The following DENND2A variants were observed in gnomAD, a reference collection of about 807,000 sequenced individuals.
The protein encoded by DENND2A is DENN domain-containing protein 2A.
A neutral mutation model predicts 105.3 loss-of-function variants in DENND2A; 53 were observed. That is an observed-to-expected ratio of 0.50 (90% confidence interval 0.40 to 0.63). The LOEUF is 0.63. Among genes scored for constraint, DENND2A ranks in the 30% least tolerant of loss-of-function variants. The pLI is 0.00. For missense variants in DENND2A, 1,138 were observed against 1,279.6 expected (o/e 0.89, Z 1.69); for synonymous variants, 522 against 508.4 (o/e 1.03, Z -0.36).
At chr7:140,639,802 G>A (rs1468946101) in intron 1 of DENND2A, among the ~76,000 whole-genome samples, 1 of 152,084 alleles carries the variant, frequency 6.6e-6, no homozygotes, top group Non-Finnish European at 1.5e-5. Flanking sequence ...TACGCCCCTG[G>A]AGAGCCCTGA....
intron 15 of DENND2A, among the ~76,000 whole-genome samples, chr7:140,526,406 C>T (rs947389657): frequency 6.6e-5 from 10 of 152,346 alleles, no homozygotes; most frequent in African/African-American, 2.4e-4. Context: ...GAGCGCGACC[C>T]TCACTCAGAC....
chr7:140,570,849 G>GACCAAAC (rs1199962161), intron 6 of DENND2A, among the ~76,000 whole-genome samples: 1 of 152,122 alleles, frequency 6.6e-6, no homozygotes, highest in Non-Finnish European at 1.5e-5. Flanking sequence ...TCATATTTCA[G>GACCAAAC]ACCAAAAAAG....
At chr7:140,521,492 G>A (rs570903634) in intron 18 of DENND2A, among the ~76,000 whole-genome samples, 2 of 151,178 alleles carry the variant, frequency 1.3e-5, no homozygotes, top group South Asian at 4.2e-4. Flanking sequence ...GTCCAGGCTG[G>A]TCTTGAACTC....
chr7:140,544,300 T>C (rs910206400), intron 14 of DENND2A: 5 of 453,952 alleles, frequency 1.1e-5, no homozygotes, highest in Admixed American at 3.4e-5. Context: ...GTTCAATCGA[T>C]TCCCGTGCCT....
rs570292397 is a variant in DENND2A, at chr7:140,559,613, C to T, written c.1889+95G>A. 672 of 866,618 alleles carry T rather than the reference C, an allele frequency of 7.8e-4. 5 individuals are homozygous for T. The African/African-American group carries it at 9.8e-3, about 13-fold the overall frequency. The allele number at this position is 866,618 out of a possible 1,614,324, so 53.7% of individuals were successfully genotyped here. A position where few individuals can be genotyped will look rare whatever the true frequency, so the allele number is the denominator to read the frequency against. On this transcript the variant is annotated intron_variant, in intron 10 of 19. Transcript: ENST00000496613. This position sits in a 1 kb window ranked among gnomAD's most constrained non-coding sequence, Gnocchi z 4.1. ...GGCCAGGCCCATCAGGATTACTTAA[C>T]GGTGGGAATGACTCATGTGGTCTGC...
chr7:140,634,738 G>C (rs1800857020), intron 1 of DENND2A, among the ~76,000 whole-genome samples: 2 of 152,024 alleles, frequency 1.3e-5, no homozygotes, highest in Non-Finnish European at 2.9e-5. Context: ...CAGGTGAGGT[G>C]GTGGGCGCCT....
intron 2 of DENND2A, among the ~76,000 whole-genome samples, chr7:140,604,748 C>G (rs558831046): frequency 6.6e-6 from 1 of 152,198 alleles, no homozygotes; most frequent in African/African-American, 2.4e-5. Context: ...AAATGAGGGA[C>G]TTGAGACTTG....
Position 140,555,663 on chromosome 7 carries a change from G to A in DENND2A, c.2010C>T (p.Arg670=). ...RLPEVYCIVS[R]LGCFSLFSRI... ...TTGAAAAGAGGCTGAAGCATCCCAG[G>A]CGGCTCACAATGCAGTAAACTTCAG... Residue 670 remains arginine, a synonymous_variant, in exon 12 of 20, where the codon CGC becomes CGT. Transcript: ENST00000496613. 6.2e-7 allele frequency: 1 copy of A among 1,609,660 alleles called. No homozygotes were observed. The highest frequency in any genetic ancestry group is 8.5e-7 in the Non-Finnish European group (1 of 1,178,780).
chr7:140,614,786 C>A (rs1800025371), intron 1 of DENND2A, among the ~76,000 whole-genome samples: 1 of 152,182 alleles, frequency 6.6e-6, no homozygotes, highest in Admixed American at 6.5e-5. Flanking sequence ...CAATGTAATA[C>A]AACTCTTGCT....
chr7:140,576,296 G>A (rs979928160), intron 5 of DENND2A, among the ~76,000 whole-genome samples: 2 of 151,698 alleles, frequency 1.3e-5, no homozygotes, highest in Non-Finnish European at 2.9e-5. Context: ...CTTTTCTTTT[G>A]TAATTCATTT....
chr7:140,573,587 T>G (rs181488902), intron 6 of DENND2A, among the ~76,000 whole-genome samples: 1 of 152,132 alleles, frequency 6.6e-6, no homozygotes, highest in East Asian at 1.9e-4. Flanking sequence ...CAGCTAAGAT[T>G]GGGAGAAGAG....
At chr7:140,524,474 C>A (rs1795973585) in intron 16 of DENND2A, among the ~76,000 whole-genome samples, 1 of 152,160 alleles carries the variant, frequency 6.6e-6, no homozygotes, top group Admixed American at 6.5e-5. Flanking sequence ...AGACAACAAG[C>A]GTTAATGTTT....
intron 14 of DENND2A, among the ~76,000 whole-genome samples, chr7:140,539,696 G>C (rs1796584363): frequency 6.6e-6 from 1 of 152,238 alleles, no homozygotes; most frequent in Non-Finnish European, 1.5e-5. Flanking sequence ...ACGCAGGTCA[G>C]ACCCTCAGAA....
chr7:140,520,123 G>C (rs1481095558), intron 18 of DENND2A, among the ~76,000 whole-genome samples: 1 of 151,982 alleles, frequency 6.6e-6, no homozygotes, highest in Non-Finnish European at 1.5e-5. Context: ...GGCTAACATG[G>C]TGAAACCCTC....
At chr7:140,617,507 T>TCA in intron 1 of DENND2A, among the ~76,000 whole-genome samples, 6 of 152,012 alleles carry the variant, frequency 3.9e-5, no homozygotes, top group Admixed American at 3.9e-4. Context: ...GGTGGATCAC[T>TCA]TGAGTTCGAG....
At chr7:140,604,026 G>A (rs1329470903) in intron 2 of DENND2A, among the ~76,000 whole-genome samples, 1 of 152,380 alleles carries the variant, frequency 6.6e-6, no homozygotes, top group South Asian at 2.1e-4. Context: ...GAGAGTATCT[G>A]TGTTGTCCAA....
chr7:140,534,100 T>TTTTTTTTTTTTTTTTTTTTTC (rs1796370723), intron 14 of DENND2A, among the ~76,000 whole-genome samples: 1 of 142,790 alleles, frequency 7.0e-6, no homozygotes, highest in African/African-American at 2.7e-5. Context: ...TTTTTTTTTT[T>TTTTTTTTTTTTTTTTTTTTTC]TTGAGATGGA....
At chr7:140,530,840 C>T (rs935332169) in intron 14 of DENND2A, among the ~76,000 whole-genome samples, 1 of 152,056 alleles carries the variant, frequency 6.6e-6, no homozygotes, top group African/African-American at 2.4e-5. Context: ...AAGTGATTCT[C>T]CTGCCTCAGC....
chr7:140,569,977 C>T (rs1798027291), intron 6 of DENND2A, among the ~76,000 whole-genome samples: 1 of 152,234 alleles, frequency 6.6e-6, no homozygotes, highest in East Asian at 1.9e-4. Flanking sequence ...TCACTGCAGC[C>T]TCTAACTTCT....
Sources: allele counts gnomAD v4.1 joint callset (sites outside exome capture counted in the v4.1 genomes callset), GRCh38; gene constraint gnomAD v4.1.1; non-coding constraint Gnocchi (gnomAD v3.1); transcripts MANE v1.5; gene names NCBI Gene and HGNC (gene_info 2026-07-23, HGNC 2026-07-21).